CEP120: variants seen among roughly 807,000 people sequenced by gnomAD.
CEP120 encodes the protein centrosomal protein of 120 kDa.
Under a neutral mutation model 126.5 loss-of-function variants are expected in CEP120, and 113 were observed. The ratio of observed to expected loss-of-function variants is 0.89; its 90% CI spans 0.77 to 1.04. CEP120 has a LOEUF of 1.04. Ranked by LOEUF, CEP120 falls within the 50% of genes least tolerant of loss-of-function variation. The pLI, the probability that CEP120 is intolerant of heterozygous loss-of-function variation, is 0.00. For synonymous variants in CEP120, 400 were observed against 394.3 expected, an observed-to-expected ratio of 1.01 and a Z score of -0.17; for missense variants, 1,230 against 1,155.7, an observed-to-expected ratio of 1.06 and a Z score of -0.93.
Position 123,344,993 on chromosome 5 carries a change from T to G in CEP120, c.*1526A>C, listed in dbSNP as rs1025993339. Reference sequence around the variant, plus strand: ...CCATTTTAGAAAAGTCCTTTTTATTTCTTTAAATCAGAGGCCCCCTCTAGC... The same window carrying G: ...CCATTTTAGAAAAGTCCTTTTTATTGCTTTAAATCAGAGGCCCCCTCTAGC... On this transcript the variant is annotated 3_prime_UTR_variant, in exon 20 of 20. Transcript: ENST00000306467. 6.6e-6 allele frequency: 1 copy of G among 152,184 alleles called. No individual in the cohort carries two copies. Among genetic ancestry groups the G allele is most frequent in the Non-Finnish European group, 1.5e-5 (1 of 68,026 alleles). The allele number at this position is 152,184 out of a possible 1,614,324, so 9.4% of individuals were successfully genotyped here. A position where few individuals can be genotyped will look rare whatever the true frequency, so the allele number is the denominator to read the frequency against.
chr5:123,399,111 T>C (rs746278514), intron 5 of CEP120, 25 bp downstream of exon 5: 21 of 1,536,508 alleles, frequency 1.4e-5, no homozygotes, highest in Non-Finnish European at 1.8e-5. Flanking sequence ...TATTCGTAAG[T>C]CACCAATCTC....
At chr5:123,389,807 T>C (rs1772268141) in intron 8 of CEP120, 117 bp downstream of exon 8, 3 of 903,998 alleles carry the variant, frequency 3.3e-6, no homozygotes, top group African/African-American at 3.3e-5. Context: ...GCCTTATTGG[T>C]TCTTAACAAA....
chr5:123,376,766 T>C (rs775813651), intron 16 of CEP120, among the ~76,000 whole-genome samples: 1 of 152,082 alleles, frequency 6.6e-6, no homozygotes, highest in Non-Finnish European at 1.5e-5. Context: ...ACCCTGCATG[T>C]GAAAGTCCCA....
chr5:123,407,533 C>T (rs949444168), intron 4 of CEP120, among the ~76,000 whole-genome samples: 4 of 152,034 alleles, frequency 2.6e-5, no homozygotes, highest in Non-Finnish European at 4.4e-5. Context: ...TGCAAAAAGA[C>T]AAAATAATTT....
At chr5:123,379,683 C>T (rs1037390106) in intron 14 of CEP120, among the ~76,000 whole-genome samples, 13 of 151,770 alleles carry the variant, frequency 8.6e-5, no homozygotes, top group East Asian at 3.9e-4. Flanking sequence ...AATGGATTTA[C>T]GAGATCATTT....
chr5:123,391,676 A>T (rs1319582554), intron 6 of CEP120, among the ~76,000 whole-genome samples: 1 of 152,210 alleles, frequency 6.6e-6, no homozygotes, highest in African/African-American at 2.4e-5. Flanking sequence ...TTTAAACAAA[A>T]AAAACAAAGA....
intron 4 of CEP120, chr5:123,401,111 AAT>A (rs1446813551): frequency 6.3e-7 from 1 of 1,599,224 alleles, no homozygotes; most frequent in African/African-American, 1.3e-5. Flanking sequence ...TCTTCGTATG[AAT>A]ACTCATGTTC....
chr5:123,357,887 G>C (rs1187898377), intron 18 of CEP120, among the ~76,000 whole-genome samples: 1 of 152,074 alleles, frequency 6.6e-6, no homozygotes, highest in Non-Finnish European at 1.5e-5. Flanking sequence ...CCAATTATTG[G>C]CAAAAATGTG....
At chr5:123,383,153 A>G in intron 11 of CEP120, 71 bp from the exon 12 acceptor site, 3 of 940,290 alleles carry the variant, frequency 3.2e-6, no homozygotes, top group Non-Finnish European at 4.7e-6. Context: ...TTATTTCCCC[A>G]GTGCTTTAGC....
At chr5:123,377,906 G>C (rs144093161) in intron 15 of CEP120, among the ~76,000 whole-genome samples, 8 of 151,086 alleles carry the variant, frequency 5.3e-5, no homozygotes, top group Non-Finnish European at 1.0e-4. Flanking sequence ...CTTGGTATTA[G>C]GCACAAATCT....
At chr5:123,359,658 C>G (rs1400084122) in intron 18 of CEP120, among the ~76,000 whole-genome samples, 2 of 151,966 alleles carry the variant, frequency 1.3e-5, no homozygotes, top group African/African-American at 2.4e-5. Context: ...TCCTCGTTTT[C>G]TAAATCAGGA....
At chr5:123,383,775 T>C (rs1394096514) in intron 11 of CEP120, among the ~76,000 whole-genome samples, 5 of 152,106 alleles carry the variant, frequency 3.3e-5, no homozygotes, top group African/African-American at 1.2e-4. Context: ...TACAACTGCA[T>C]GCAGCATTTG....
chr5:123,364,486 A>C lies in CEP120; in HGVS notation c.2580+10T>G, dbSNP rs1011964090. ...AAAGATATAAAAAGAATAAGCTATA[A>C]ACTACATACCTGTTTAAGTCTGGCA... is the stretch of plus-strand genomic sequence containing the variant. On this transcript the variant is annotated intron_variant, in intron 18 of 19. Coordinates refer to ENST00000306467, the MANE Select transcript of CEP120 (RefSeq NM_001375405.1). The C allele has an allele frequency of 3.8e-6, 6 of 1,570,490 alleles. No homozygotes were observed. Among genetic ancestry groups the C allele is most frequent in the Non-Finnish European group, 5.2e-6 (6 of 1,148,832 alleles).
At chr5:123,358,640 G>A (rs935392510) in intron 18 of CEP120, among the ~76,000 whole-genome samples, 1 of 151,918 alleles carries the variant, frequency 6.6e-6, no homozygotes, top group Non-Finnish European at 1.5e-5. Flanking sequence ...TAAAACGTAA[G>A]AAAATCCTTT....
intron 4 of CEP120, among the ~76,000 whole-genome samples, chr5:123,407,345 C>G (rs899647044): frequency 2.0e-5 from 3 of 152,042 alleles, no homozygotes; most frequent in African/African-American, 4.8e-5. Flanking sequence ...CAAGATCCAA[C>G]TATATGTTGT....
intron 4 of CEP120, among the ~76,000 whole-genome samples, chr5:123,408,130 C>T (rs1773816012): frequency 6.6e-6 from 1 of 152,028 alleles, no homozygotes; most frequent in Non-Finnish European, 1.5e-5. Flanking sequence ...GAAAGCAGTG[C>T]TTAGAGAAAG....
At chr5:123,402,680 T>A (rs569598007) in intron 4 of CEP120, among the ~76,000 whole-genome samples, 1 of 152,254 alleles carries the variant, frequency 6.6e-6, no homozygotes, top group Non-Finnish European at 1.5e-5. Flanking sequence ...CCCAAAGTGC[T>A]GGAACAGGCG....
chr5:123,360,774 G>C (rs17150367), intron 18 of CEP120, among the ~76,000 whole-genome samples: 7,563 of 151,828 alleles, frequency 0.05, 252 homozygotes, highest in South Asian at 0.1. Flanking sequence ...GATTCTTGCA[G>C]TGGAGCCTTT....
chr5:123,357,461 G>C (rs945042054), intron 18 of CEP120, among the ~76,000 whole-genome samples: 3 of 152,048 alleles, frequency 2.0e-5, no homozygotes, highest in Admixed American at 2.0e-4. Context: ...ATTTTCTAGA[G>C]TATAATAATG....
Sources: allele counts gnomAD v4.1 joint callset (sites outside exome capture counted in the v4.1 genomes callset), GRCh38; gene constraint gnomAD v4.1.1; transcripts MANE v1.5; gene names NCBI Gene and HGNC (gene_info 2026-07-23, HGNC 2026-07-21).